Variants in RALGPS1 observed in about 807,000 individuals in gnomAD.
RALGPS1 encodes ras-specific guanine nucleotide-releasing factor RalGPS1.
In RALGPS1, 19 loss-of-function variants were observed where a neutral mutation model predicts 78.8. The ratio of observed to expected loss-of-function variants is 0.24; its 90% CI spans 0.17 to 0.35. The LOEUF is 0.35. Ranked by LOEUF, RALGPS1 falls within the 10% of genes least tolerant of loss-of-function variation. The pLI is 1.00. For synonymous variants in RALGPS1, 228 were observed against 256.3 expected, an observed-to-expected ratio of 0.89 and a Z score of 1.06; for missense variants, 454 against 688.3, an observed-to-expected ratio of 0.66 and a Z score of 3.81.
intron 8 of RALGPS1, among the ~76,000 whole-genome samples, chr9:127,101,562 G>A (rs1180410468): frequency 6.6e-6 from 1 of 152,082 alleles, no homozygotes; most frequent in African/African-American, 2.4e-5. Context: ...TTCATTCTGT[G>A]CTTTCCAGCT....
chr9:127,042,230 A>C (rs1427887397), intron 5 of RALGPS1, among the ~76,000 whole-genome samples: 1 of 152,248 alleles, frequency 6.6e-6, no homozygotes, highest in Middle Eastern at 3.4e-3. Context: ...CATAGTCCTC[A>C]GTAGCTAAAT....
intron 8 of RALGPS1, chr9:127,087,237 G>A (rs1326779012): frequency 6.6e-6 from 1 of 152,404 alleles, no homozygotes; most frequent in Admixed American, 6.6e-5. Flanking sequence ...AATGATTCTG[G>A]TGTGTGTCCT....
intron 11 of RALGPS1, among the ~76,000 whole-genome samples, chr9:127,179,073 G>A (rs1251905367): frequency 6.6e-6 from 1 of 152,242 alleles, no homozygotes; most frequent in African/African-American, 2.4e-5. Flanking sequence ...CTCCAGAGTG[G>A]GCTGACTGCT....
At position 127,183,940 on chromosome 9, in the gene RALGPS1, C is replaced by A. The variant is rs192055575; in HGVS notation, c.910+9158C>A. The A allele has an allele frequency of 1.3e-6, 2 of 1,550,498 alleles. No individual in the cohort carries two copies. Among genetic ancestry groups the A allele is most frequent in the East Asian group, 2.4e-5 (1 of 40,866 alleles). ...GACTCAAACCCACCTCTGGCCAACA[C>A]CCTGCCTGGATGTGGCCCAGCTCCT... On this transcript the variant is annotated intron_variant, in intron 11 of 18. Transcript: ENST00000259351. The surrounding 1 kb of genome is among the most constrained non-coding windows in gnomAD (Gnocchi z 4.0).
At chr9:126,954,544 T>C (rs1344224365) in intron 1 of RALGPS1, among the ~76,000 whole-genome samples, 11 of 152,150 alleles carry the variant, frequency 7.2e-5, no homozygotes, top group Admixed American at 7.2e-4. Flanking sequence ...CCCAGCACTT[T>C]GGGAGGCCAA....
chr9:127,055,421 T>G (rs1159359657), intron 7 of RALGPS1, among the ~76,000 whole-genome samples: 3 of 152,224 alleles, frequency 2.0e-5, no homozygotes, highest in Non-Finnish European at 4.4e-5. Flanking sequence ...CCTTGCTATG[T>G]TGCCCAGGCT....
At chr9:126,985,217 C>G (rs913736540) in intron 4 of RALGPS1, among the ~76,000 whole-genome samples, 6 of 152,114 alleles carry the variant, frequency 3.9e-5, no homozygotes, top group Non-Finnish European at 8.8e-5. Flanking sequence ...CATGATGTAT[C>G]GGTAACTGTT....
In RALGPS1 at chr9:127,134,163, A is replaced by AG. The variant is rs548476383; in HGVS notation, c.611-31899dup. 8.3e-4 allele frequency among the ~76,000 whole-genome samples: 126 copies of AG among 152,034 alleles called. 1 individual carries two copies. The highest frequency in any genetic ancestry group is 2.5e-3 in the African/African-American group (105 of 41,484). On this transcript the variant is annotated intron_variant, in intron 8 of 18. Transcript: ENST00000259351. ...GGATGGCTGCCCACCCTCCACACACAGGGGGGGTCTCTCCTCCTTTGTTTT... is the reference window on the plus strand; with the variant it reads ...GGATGGCTGCCCACCCTCCACACACAGGGGGGGGTCTCTCCTCCTTTGTTTT...
At chr9:126,965,990 C>A in intron 3 of RALGPS1, 39 bp downstream of exon 3, 1 of 1,485,634 alleles carries the variant, frequency 6.7e-7, no homozygotes, top group Non-Finnish European at 9.4e-7. Flanking sequence ...CTGGGCACCA[C>A]AGCAGGGCAC....
intron 1 of RALGPS1, among the ~76,000 whole-genome samples, chr9:126,943,142 CT>C (rs1045933776): frequency 6.6e-6 from 1 of 151,794 alleles, no homozygotes; most frequent in Non-Finnish European, 1.5e-5. Context: ...AGATTTTTTC[CT>C]TTTTTTCTTT....
At chr9:127,022,344 C>T (rs147380439) in intron 4 of RALGPS1, among the ~76,000 whole-genome samples, 73 of 152,176 alleles carry the variant, frequency 4.8e-4, no homozygotes, top group African/African-American at 1.4e-3. Flanking sequence ...GCAAATATCC[C>T]GTGCACTTAC....
chr9:127,060,088 G>A (rs1046416756), intron 7 of RALGPS1, among the ~76,000 whole-genome samples: 7 of 152,188 alleles, frequency 4.6e-5, no homozygotes, highest in Non-Finnish European at 1.0e-4. Context: ...GCAGCTGGGA[G>A]CTAGGGTTGT....
intron 1 of RALGPS1, among the ~76,000 whole-genome samples, chr9:126,938,961 T>TG (rs2036515054): frequency 6.6e-6 from 1 of 152,192 alleles, no homozygotes; most frequent in Admixed American, 6.5e-5. Context: ...AGAAGCAGGC[T>TG]GGGTGTGGCC....
In RALGPS1 at chr9:126,944,055, G is replaced by A. The variant is rs776630637; in HGVS notation, c.-65-18170G>A. On this transcript the variant is annotated intron_variant, in intron 1 of 18. Transcript: ENST00000259351. ...CTGGGTTGGAGCAGGTAATGGGCTC[G>A]CAGCCCATGGGGGCCTCCCACTTGC... Among the ~76,000 whole-genome samples, 5 of 152,228 alleles carry A rather than the reference G, an allele frequency of 3.3e-5. No homozygotes were observed. The South Asian group carries it at 8.3e-4, about 25-fold the overall frequency.
chr9:127,184,133 C>T, intron 11 of RALGPS1: 8 of 1,329,840 alleles, frequency 6.0e-6, no homozygotes, highest in Non-Finnish European at 8.3e-6. Flanking sequence ...CAAGACCAGC[C>T]TGGGCAACAT....
chr9:127,031,961 T>C (rs2046465299), intron 4 of RALGPS1, among the ~76,000 whole-genome samples: 1 of 152,130 alleles, frequency 6.6e-6, no homozygotes, highest in African/African-American at 2.4e-5. Flanking sequence ...GAAATAATAA[T>C]AGATTTTGTT....
Position 127,093,743 on chromosome 9 carries a change from T to C in RALGPS1, c.610+24387T>C, listed in dbSNP as rs778059990. On this transcript the variant is annotated intron_variant, in intron 8 of 18. Coordinates refer to ENST00000259351, the MANE Select transcript of RALGPS1 (RefSeq NM_014636.3). ...CCTGCCGAGTCTCACCTTGTACGTC[T>C]CCCAGTTCCTGAAGAAGTTAACAGA... 4.3e-6 allele frequency: 7 copies of C among 1,613,940 alleles called. No individual in the cohort carries two copies. In the East Asian group the frequency reaches 1.6e-4, roughly 36 times the overall value.
At chr9:127,089,380 T>C (rs1437680762) in intron 8 of RALGPS1, among the ~76,000 whole-genome samples, 2 of 152,176 alleles carry the variant, frequency 1.3e-5, no homozygotes, top group African/African-American at 2.4e-5. Context: ...AGCCACTGTA[T>C]CCTCATCTGT....
At chr9:127,040,609 C>A (rs2047207441) in intron 5 of RALGPS1, among the ~76,000 whole-genome samples, 1 of 152,046 alleles carries the variant, frequency 6.6e-6, no homozygotes, top group South Asian at 2.1e-4. Context: ...TAGAGCAGGT[C>A]TGGGAAATCA....
Sources: gnomAD v4.1 joint callset for allele counts (sites outside exome capture counted in the v4.1 genomes callset) on GRCh38, gnomAD v4.1.1 for gene constraint, Gnocchi (gnomAD v3.1) non-coding constraint, MANE v1.5 for transcripts, NCBI Gene and HGNC (gene_info 2026-07-23, HGNC 2026-07-21) for gene names.